The following RP1 variants were observed in gnomAD, a reference collection of about 807,000 sequenced individuals.
RP1 encodes the protein RP1 axonemal microtubule associated.
RP1 carries 16 observed loss-of-function variants against 14.8 expected under a neutral mutation model. That is an observed-to-expected ratio of 1.08 (90% confidence interval 0.73 to 1.65). The LOEUF is 1.65. RP1 is among the 40% of genes most tolerant of loss of function. The pLI is 0.00. For synonymous variants in RP1, 876 were observed against 883.6 expected (o/e 0.99, Z 0.15); for missense variants, 2,631 against 2,535.0 (o/e 1.04, Z -0.81).
intron 1 of RP1, among the ~76,000 whole-genome samples, chr8:54,602,534 T>A (rs569186163): frequency 8.5e-5 from 13 of 152,292 alleles, no homozygotes; most frequent in Non-Finnish European, 1.6e-4. Flanking sequence ...TGTTTTATAA[T>A]CCTTTGGGTA....
At position 54,726,246 on chromosome 8, in the gene RP1, T is replaced by C. The variant is rs1050177363; in HGVS notation, c.2390-99T>C. 1.1e-5 allele frequency: 14 copies of C among 1,311,356 alleles called. No homozygotes were observed. In the African/African-American group the frequency reaches 1.5e-4, roughly 14 times the overall value. 81.2% of individuals were successfully genotyped at this position (1,311,356 alleles called of 1,614,324 possible). A position where few individuals can be genotyped will look rare whatever the true frequency, so the allele number is the denominator to read the frequency against. ...TGACTAGGCATTGAAATGGAAACAA[T>C]AGCAAAAATTAAACTTGCATAGCTG... On this transcript the variant is annotated intron_variant, in intron 16 of 22. Coordinates refer to the RP1 transcript ENST00000636932.
At chr8:54,632,589 T>C (rs527627903), downstream of RP1, among the ~76,000 whole-genome samples, 160 of 152,360 alleles carry the variant, frequency 1.1e-3, no homozygotes, top group Admixed American at 3.5e-3. Flanking sequence ...AATTTTTCTT[T>C]ACCTCTTACT....
chr8:54,847,624 T>C (rs1585743656), intron 25 of RP1, among the ~76,000 whole-genome samples: 1 of 152,262 alleles, frequency 6.6e-6, no homozygotes, highest in Non-Finnish European at 1.5e-5. Flanking sequence ...TGCTGACTGG[T>C]GAACTGTACT....
chr8:54,572,044 G>T (rs1366397003), intron 1 of RP1, among the ~76,000 whole-genome samples: 1 of 152,162 alleles, frequency 6.6e-6, no homozygotes, highest in East Asian at 1.9e-4. Context: ...CCAAAACAGT[G>T]ACTCAGTTTA....
Position 54,630,443 on chromosome 8 carries a change from G to A in RP1, c.*90G>A. On this transcript the variant is annotated 3_prime_UTR_variant, in exon 4 of 4. Transcript: ENST00000220676. ...CGAATACGGACTAGATAACCTCTAAGAATTTTCCACTTCTTCAAAATGAAC... is the reference window on the plus strand; with the variant it reads ...CGAATACGGACTAGATAACCTCTAAAAATTTTCCACTTCTTCAAAATGAAC... 2 of 1,554,172 alleles carry A rather than the reference G, an allele frequency of 1.3e-6. No homozygotes were observed. The highest frequency in any genetic ancestry group is 2.3e-5 in the East Asian group (1 of 42,984).
chr8:54,810,470 G>A (rs567309826), intron 24 of RP1, among the ~76,000 whole-genome samples: 6 of 151,948 alleles, frequency 3.9e-5, no homozygotes, highest in Non-Finnish European at 7.4e-5. Context: ...TGCTGTTCCC[G>A]GAGACCATTG....
At chr8:54,707,687 G>C (rs1808184075) in intron 15 of RP1, among the ~76,000 whole-genome samples, 1 of 152,152 alleles carries the variant, frequency 6.6e-6, no homozygotes, top group South Asian at 2.1e-4. Context: ...GAGCTTCTTG[G>C]GGTATGAGGA....
chr8:54,753,981 A>G (rs1315970936), intron 19 of RP1, among the ~76,000 whole-genome samples: 1 of 152,146 alleles, frequency 6.6e-6, no homozygotes, highest in Admixed American at 6.5e-5. Context: ...AAGGATGAGG[A>G]CATTTTTATC....
intron 24 of RP1, among the ~76,000 whole-genome samples, chr8:54,786,941 G>A (rs557229355): frequency 3.9e-5 from 6 of 152,206 alleles, no homozygotes; most frequent in Admixed American, 1.3e-4. Flanking sequence ...CTATCTTATT[G>A]TCAGAACAGT....
chr8:54,703,369 G>A (rs1442925970), intron 14 of RP1, among the ~76,000 whole-genome samples: 2 of 152,132 alleles, frequency 1.3e-5, no homozygotes, highest in African/African-American at 4.8e-5. Context: ...GAGCTCTTGG[G>A]TGACCAGGTA....
chr8:54,756,705 CT>C (rs1276505717), intron 21 of RP1, among the ~76,000 whole-genome samples: 43 of 152,312 alleles, frequency 2.8e-4, no homozygotes, highest in Admixed American at 1.8e-3. Context: ...CAGAACCGTG[CT>C]GGCTTTGCAT....
chr8:54,740,536 A>G lies in RP1; in HGVS notation c.2808+1507A>G, dbSNP rs539523587. On this transcript the variant is annotated intron_variant, in intron 19 of 22. Coordinates refer to the RP1 transcript ENST00000636932. The stretch of plus-strand genomic sequence containing the variant: ...CAGGAGTTCAAGACCAGCCTGACCA[A>G]CATAGTGAAATCTCATCTCTACTAA... Among the ~76,000 whole-genome samples the G allele has an allele frequency of 2.6e-5, 4 of 152,052 alleles. No individual in the cohort carries two copies. In the South Asian group the frequency reaches 8.3e-4, roughly 32 times the overall value.
chr8:54,728,882 GC>G (rs1315004475), intron 17 of RP1, among the ~76,000 whole-genome samples: 3 of 152,050 alleles, frequency 2.0e-5, no homozygotes, highest in Admixed American at 2.0e-4. Context: ...CCATCACTCA[GC>G]TTCAACAATG....
At chr8:54,699,586 T>C (rs1188087222) in intron 13 of RP1, 13 of 1,262,682 alleles carry the variant, frequency 1.0e-5, no homozygotes, top group Non-Finnish European at 1.4e-5. Flanking sequence ...TAGTAAATTT[T>C]CTTTTTGCCA....
intron 4 of RP1, among the ~76,000 whole-genome samples, chr8:54,650,585 G>A (rs1265115132): frequency 6.6e-6 from 1 of 151,804 alleles, no homozygotes; most frequent in African/African-American, 2.4e-5. Context: ...GTCACTCCCT[G>A]TTGCCTTTCT....
At chr8:54,745,930 G>A (rs567090545) in intron 19 of RP1, among the ~76,000 whole-genome samples, 1 of 152,096 alleles carries the variant, frequency 6.6e-6, no homozygotes, top group South Asian at 2.1e-4. Flanking sequence ...AGTATTGATA[G>A]AAAAATACTA....
At chr8:54,641,131 G>A (rs1217324476) in intron 3 of RP1, among the ~76,000 whole-genome samples, 3 of 151,898 alleles carry the variant, frequency 2.0e-5, no homozygotes, top group Non-Finnish European at 4.4e-5. Context: ...CTTTTTAGTA[G>A]AGACGGGGTT....
intron 1 of RP1, among the ~76,000 whole-genome samples, chr8:54,586,709 C>G (rs1463853358): frequency 6.6e-6 from 1 of 152,220 alleles, no homozygotes. Context: ...CGCCCCTCCC[C>G]CAGCCTCGCT....
intron 24 of RP1, among the ~76,000 whole-genome samples, chr8:54,824,269 A>G (rs1412140745): frequency 6.6e-6 from 1 of 152,222 alleles, no homozygotes; most frequent in East Asian, 1.9e-4. Context: ...AAATAAGGGA[A>G]CACCACAAAC....
Sources: gnomAD v4.1 joint callset for allele counts (sites outside exome capture counted in the v4.1 genomes callset) on GRCh38, gnomAD v4.1.1 for gene constraint, MANE v1.5 for transcripts, NCBI Gene and HGNC (gene_info 2026-07-23, HGNC 2026-07-21) for gene names.